Variants in NBAS observed in about 807,000 individuals in gnomAD.
The protein encoded by NBAS is NBAS subunit of NRZ tethering complex.
In NBAS, 219 loss-of-function variants were observed where a neutral mutation model predicts 302.5. That is an observed-to-expected ratio of 0.72 (90% CI 0.65 to 0.81). NBAS has a LOEUF of 0.81. Ranked by LOEUF, NBAS falls within the 30% of genes least tolerant of loss-of-function variation. The pLI is 0.00. For missense variants in NBAS, 2,932 were observed against 2,841.6 expected, an observed-to-expected ratio of 1.03 and a Z score of -0.72; for synonymous variants, 1,118 against 1,021.6, an observed-to-expected ratio of 1.09 and a Z score of -1.80.
chr2:14,943,720 A>T, the NBAS span, among the ~76,000 whole-genome samples: 1 of 152,192 alleles, frequency 6.6e-6, no homozygotes, highest in Non-Finnish European at 1.5e-5. Context: ...ATTGAAACCT[A>T]GGTGTTCAGA....
At chr2:15,126,105 C>G in the NBAS span, among the ~76,000 whole-genome samples, 5 of 152,110 alleles carry the variant, frequency 3.3e-5, no homozygotes, top group African/African-American at 1.2e-4. Flanking sequence ...GACTTAGCAC[C>G]ATTCCCTTGG....
the NBAS span, among the ~76,000 whole-genome samples, chr2:14,975,208 G>T: frequency 3.3e-5 from 5 of 152,106 alleles, no homozygotes; most frequent in Admixed American, 6.5e-5. Context: ...CCCTAAACAG[G>T]GTAACTTGCT....
the NBAS span, among the ~76,000 whole-genome samples, chr2:15,089,317 A>G: frequency 6.6e-6 from 1 of 152,046 alleles, no homozygotes; most frequent in Admixed American, 6.5e-5. Context: ...AGGTCAAAGA[A>G]GTGTAACTGC....
intron 26 of NBAS, chr2:15,397,587 T>A: frequency 1.6e-6 from 1 of 620,938 alleles, no homozygotes; most frequent in Non-Finnish European, 3.0e-6. Flanking sequence ...ACATACAGCT[T>A]GGGAAGCACA....
At position 15,425,099 on chromosome 2, in the gene NBAS, T is replaced by C. The variant is rs531223824; in HGVS notation, c.2424-631A>G. The stretch of plus-strand genomic sequence containing the variant: ...ACACACAGGGCTAACCTCGTGGGGA[T>C]TGCTGATCATGAGGAGTTTTTAACG... On this transcript the variant is annotated intron_variant, in intron 22 of 51. Transcript: ENST00000281513. Among the ~76,000 whole-genome samples the C allele has an allele frequency of 9.5e-4, 144 of 152,220 alleles. No individual in the cohort carries two copies. The Middle Eastern group carries it at 0.02, about 22-fold the overall frequency.
At chr2:14,896,011 A>AG in the NBAS span, among the ~76,000 whole-genome samples, 20 of 151,750 alleles carry the variant, frequency 1.3e-4, no homozygotes, top group African/African-American at 4.8e-4. Context: ...AGGGGAAAAA[A>AG]AAACGAAGAT....
chr2:14,845,595 T>C, the NBAS span, among the ~76,000 whole-genome samples: 1 of 152,214 alleles, frequency 6.6e-6, no homozygotes, highest in East Asian at 1.9e-4. Flanking sequence ...GAAACAGAGA[T>C]ATGTGACCTT....
At chr2:15,282,751 G>T (rs977585522) in intron 42 of NBAS, among the ~76,000 whole-genome samples, 1 of 152,176 alleles carries the variant, frequency 6.6e-6, no homozygotes, top group Non-Finnish European at 1.5e-5. Flanking sequence ...GGGAAAAGAT[G>T]GAAGGTATTA....
intron 35 of NBAS, among the ~76,000 whole-genome samples, chr2:15,344,187 A>C (rs1672982346): frequency 6.6e-6 from 1 of 151,994 alleles, no homozygotes; most frequent in South Asian, 2.1e-4. Flanking sequence ...CAAATATCAT[A>C]ATGAGATAGC....
the NBAS span, among the ~76,000 whole-genome samples, chr2:14,955,003 A>C: frequency 6.6e-6 from 1 of 152,208 alleles, no homozygotes; most frequent in African/African-American, 2.4e-5. Context: ...AAGGTTCAAA[A>C]GTCTCATCAG....
intron 35 of NBAS, among the ~76,000 whole-genome samples, chr2:15,336,303 T>C (rs1572679315): frequency 6.6e-6 from 1 of 152,246 alleles, no homozygotes; most frequent in Admixed American, 6.5e-5. Flanking sequence ...CAGTGAGCTA[T>C]TCAAGATCAG....
the NBAS span, among the ~76,000 whole-genome samples, chr2:15,077,572 T>C: frequency 6.6e-6 from 1 of 152,198 alleles, no homozygotes; most frequent in African/African-American, 2.4e-5. Flanking sequence ...CAGCCTATTG[T>C]GTTTCATGTA....
At chr2:14,842,286 C>T in the NBAS span, among the ~76,000 whole-genome samples, 1 of 151,484 alleles carries the variant, frequency 6.6e-6, no homozygotes, top group African/African-American at 2.4e-5. Flanking sequence ...AAGCAAAAAC[C>T]ATGAAAATCC....
the NBAS span, among the ~76,000 whole-genome samples, chr2:15,084,691 G>T: frequency 1.3e-5 from 2 of 148,666 alleles, no homozygotes; most frequent in South Asian, 2.1e-4. Context: ...GCGGGGCGGG[G>T]GGGGTTCCTT....
the NBAS span, among the ~76,000 whole-genome samples, chr2:14,864,320 C>CAA: frequency 0.011 from 747 of 67,942 alleles, 10 homozygotes; most frequent in African/African-American, 0.029. Flanking sequence ...GGCTCCATCT[C>CAA]AAAAAAAAAA....
intron 48 of NBAS, among the ~76,000 whole-genome samples, chr2:15,205,118 A>G (rs917337543): frequency 2.6e-5 from 4 of 152,224 alleles, no homozygotes; most frequent in Non-Finnish European, 5.9e-5. Flanking sequence ...GTTAAGCTGT[A>G]GAGTTTTTAT....
intron 30 of NBAS, among the ~76,000 whole-genome samples, chr2:15,378,663 T>C (rs1410281649): frequency 6.6e-6 from 1 of 152,196 alleles, no homozygotes; most frequent in Non-Finnish European, 1.5e-5. Context: ...TAGGAAAGTG[T>C]TGAATTTCTC....
At chr2:15,406,103 T>TAAAAAAAAAAAAAAAAAAAAAAAAAAAAA (rs71400653) in intron 25 of NBAS, among the ~76,000 whole-genome samples, 1 of 115,060 alleles carries the variant, frequency 8.7e-6, no homozygotes, top group Admixed American at 8.7e-5. Context: ...CAATAACATG[T>TAAAAAAAAAAAAAAAAAAAAAAAAAAAAA]AAAAAAAAAA....
rs148650160 is a variant in NBAS, at chr2:15,234,796, G to A, written c.5944-49C>T. The A allele has an allele frequency of 3.2e-4, 500 of 1,558,410 alleles. 1 individual carries two copies. The African/African-American group carries it at 5.1e-3, about 16-fold the overall frequency. On this transcript the variant is annotated intron_variant, in intron 45 of 51. Transcript: ENST00000281513. ...CTTAAGTATCAAATAGAAATTAAAT[G>A]TATCTACATGCACAAAGTGAAACAT...
Sources: gnomAD v4.1 joint callset for allele counts (sites outside exome capture counted in the v4.1 genomes callset) on GRCh38, gnomAD v4.1.1 for gene constraint, MANE v1.5 for transcripts, NCBI Gene and HGNC (gene_info 2026-07-23, HGNC 2026-07-21) for gene names.